Variants in DNAH14 observed in about 807,000 individuals in gnomAD.
The protein encoded by DNAH14 is dynein axonemal heavy chain 14.
A neutral mutation model predicts 520.9 loss-of-function variants in DNAH14; 478 were observed. That is an observed-to-expected ratio of 0.92 (90% CI 0.85 to 0.99). The LOEUF is 0.99. Among genes scored for constraint, DNAH14 ranks in the 50% least tolerant of loss-of-function variants. DNAH14 has a pLI of 0.00. For synonymous variants in DNAH14, 1,581 were observed against 1,757.2 expected (o/e 0.90, Z 2.51); for missense variants, 4,831 against 5,234.5 (o/e 0.92, Z 2.38).
At chr1:225,146,770 G>T (rs1467692863) in intron 30 of DNAH14, among the ~76,000 whole-genome samples, 1 of 152,256 alleles carries the variant, frequency 6.6e-6, no homozygotes, top group African/African-American at 2.4e-5. Context: ...CTGCCCCAGG[G>T]TGCAGCTGTG....
intron 10 of DNAH14, among the ~76,000 whole-genome samples, chr1:225,015,122 G>T (rs971109574): frequency 6.6e-6 from 1 of 152,030 alleles, no homozygotes; most frequent in African/African-American, 2.4e-5. Flanking sequence ...ACTTCTGCTT[G>T]ATTTCGGTTT....
chr1:225,373,464 G>A (rs1438315271), intron 77 of DNAH14, among the ~76,000 whole-genome samples: 3 of 139,312 alleles, frequency 2.2e-5, no homozygotes, highest in Non-Finnish European at 4.7e-5. Context: ...ACTCCGTCAA[G>A]AAAGGAAGGG....
chr1:225,253,140 C>T (rs564749288), intron 44 of DNAH14, among the ~76,000 whole-genome samples: 2 of 152,222 alleles, frequency 1.3e-5, no homozygotes, highest in South Asian at 2.1e-4. Flanking sequence ...CATTTGTTTT[C>T]GTTGGAAATG....
chr1:225,090,898 G>A (rs185829724), intron 21 of DNAH14, among the ~76,000 whole-genome samples: 18 of 152,138 alleles, frequency 1.2e-4, no homozygotes, highest in African/African-American at 2.6e-4. Flanking sequence ...TTAAAAATTC[G>A]TGCTCCTATA....
At chr1:225,022,903 C>T (rs985918869) in intron 10 of DNAH14, among the ~76,000 whole-genome samples, 1 of 152,074 alleles carries the variant, frequency 6.6e-6, no homozygotes, top group Non-Finnish European at 1.5e-5. Context: ...TATGGAATAC[C>T]ACCCAGCCAT....
chr1:225,376,406 G>A lies in DNAH14; in HGVS notation c.12517-831G>A, dbSNP rs138443642. 4.4e-3 allele frequency among the ~76,000 whole-genome samples: 664 copies of A among 152,220 alleles called. 7 individuals are homozygous for A. The highest frequency in any genetic ancestry group is 0.015 in the African/African-American group (622 of 41,524). On this transcript the variant is annotated intron_variant, in intron 78 of 85. Coordinates refer to ENST00000682510, the MANE Select transcript of DNAH14 (RefSeq NM_001367479.1). ...CATGCCAGTGCACTCCAGCCTGGGCGACAGAGCAAGACTCCATCTCAAAAA... is the reference window on the plus strand; with the variant it reads ...CATGCCAGTGCACTCCAGCCTGGGCAACAGAGCAAGACTCCATCTCAAAAA...
At chr1:225,318,817 C>T in intron 61 of DNAH14, 140 bp downstream of exon 61, 1 of 810,596 alleles carries the variant, frequency 1.2e-6, no homozygotes, top group Non-Finnish European at 1.9e-6. Flanking sequence ...ATTTTTTACC[C>T]ATCTTGGTTA....
chr1:225,330,338 A>G (rs551093382), intron 64 of DNAH14, among the ~76,000 whole-genome samples: 1 of 152,342 alleles, frequency 6.6e-6, no homozygotes, highest in East Asian at 1.9e-4. Context: ...AGTATATTAA[A>G]TAGATAACTG....
intron 26 of DNAH14, among the ~76,000 whole-genome samples, chr1:225,121,167 C>T (rs2077258725): frequency 6.6e-6 from 1 of 152,078 alleles, no homozygotes; most frequent in Non-Finnish European, 1.5e-5. Flanking sequence ...TTATGGCATA[C>T]ATTGTGATGT....
Position 225,337,449 on chromosome 1 carries a change from A to G in DNAH14, c.10264A>G (p.Lys3422Glu). 1 of 1,551,632 alleles carries G rather than the reference A, an allele frequency of 6.4e-7. No individual in the cohort carries two copies. The highest frequency in any genetic ancestry group is 1.2e-5 in the South Asian group (1 of 84,038). ...KLSIEDSNYTKKIENAMKTGG... is the reference protein window; with the variant it reads ...KLSIEDSNYTEKIENAMKTGG... ...CTCCATTGAAGACAGCAATTATACC[A>G]AAAAAATTGAAAATGCTATGAAGAC... Residue 3422 changes from lysine to glutamate, a missense_variant, in exon 67 of 86, where the codon AAA (lysine) becomes GAA (glutamate). Physicochemically the swap from Lys to Glu is moderately conservative, Grantham distance 56. Coordinates refer to ENST00000682510, the MANE Select transcript of DNAH14 (RefSeq NM_001367479.1).
chr1:225,219,676 A>C (rs2089835646), intron 41 of DNAH14, among the ~76,000 whole-genome samples: 1 of 152,178 alleles, frequency 6.6e-6, no homozygotes, highest in Admixed American at 6.5e-5. Flanking sequence ...ATAGCCTACC[A>C]ACCAAAAAAA....
At chr1:225,004,231 A>G (rs76183613) in intron 9 of DNAH14, among the ~76,000 whole-genome samples, 1 of 152,210 alleles carries the variant, frequency 6.6e-6, no homozygotes, top group East Asian at 1.9e-4. Flanking sequence ...TTCTTTATAT[A>G]TAAAAATGAA....
chr1:224,955,057 T>C lies in DNAH14; in HGVS notation c.176T>C (p.Val59Ala). The C allele has an allele frequency of 6.2e-7, 1 of 1,611,206 alleles. No individual in the cohort carries two copies. The highest frequency in any genetic ancestry group is 8.5e-7 in the Non-Finnish European group (1 of 1,178,328). ...AAGGAAACATTGGAATATAAAACAG[T>C]TAGAACATTCTCTGAATCTTTGAAG... The part of the protein sequence containing the change: ...AEKETLEYKT[V>A]RTFSESLKSE... The change falls in exon 3 of 86, where the codon GTT (valine) becomes GCT (alanine). Residue 59 changes from valine (V) to alanine (A), a missense_variant. Val to Ala is a moderately conservative substitution (Grantham distance 64). Transcript: ENST00000682510.
At chr1:225,084,351 G>T (rs1327191165) in intron 20 of DNAH14, among the ~76,000 whole-genome samples, 6 of 152,110 alleles carry the variant, frequency 3.9e-5, no homozygotes, top group Admixed American at 2.0e-4. Flanking sequence ...TGCCAAAATG[G>T]ACAGGATTTG....
intron 1 of DNAH14, among the ~76,000 whole-genome samples, chr1:224,948,381 T>A (rs1456785804): frequency 6.6e-6 from 1 of 151,798 alleles, no homozygotes; most frequent in African/African-American, 2.4e-5. Flanking sequence ...CTGATATGAA[T>A]ATAGCTATAA....
chr1:225,142,934 AAATT>A (rs1414576961), intron 28 of DNAH14, among the ~76,000 whole-genome samples: 11 of 152,208 alleles, frequency 7.2e-5, no homozygotes, highest in East Asian at 3.9e-4. Flanking sequence ...TCAAATAAAT[AAATT>A]AATTTAATTT....
chr1:225,354,791 A>T (rs1285128063), intron 73 of DNAH14, among the ~76,000 whole-genome samples: 1 of 152,182 alleles, frequency 6.6e-6, no homozygotes, highest in Non-Finnish European at 1.5e-5. Context: ...TCTCATTTAA[A>T]TTCCTTAAAT....
chr1:225,057,404 C>A (rs2069271735), intron 17 of DNAH14, among the ~76,000 whole-genome samples: 1 of 152,136 alleles, frequency 6.6e-6, no homozygotes, highest in South Asian at 2.1e-4. Context: ...GCTAAAGTTG[C>A]CTATCAGCTT....
intron 43 of DNAH14, among the ~76,000 whole-genome samples, chr1:225,245,778 C>T (rs1032678786): frequency 5.3e-5 from 8 of 152,024 alleles, no homozygotes; most frequent in Non-Finnish European, 7.4e-5. Flanking sequence ...GAATCAATAT[C>T]GTGAAAATGG....
Sources: gnomAD v4.1 joint callset for allele counts (sites outside exome capture counted in the v4.1 genomes callset) on GRCh38, gnomAD v4.1.1 for gene constraint, MANE v1.5 for transcripts, NCBI Gene and HGNC (gene_info 2026-07-23, HGNC 2026-07-21) for gene names.